Variants in THSD7A observed in about 807,000 individuals in gnomAD.
The protein encoded by THSD7A is thrombospondin type-1 domain-containing protein 7A.
THSD7A carries 96 observed loss-of-function variants against 231.3 expected under a neutral mutation model. The ratio of observed to expected loss-of-function variants is 0.41; its 90% CI spans 0.35 to 0.49. THSD7A has a LOEUF of 0.49. Among genes scored for constraint, THSD7A ranks in the 20% least tolerant of loss-of-function variants. The pLI is 0.05. For missense variants in THSD7A, 2,290 were observed against 2,070.2 expected (o/e 1.11, Z -2.06); for synonymous variants, 940 against 743.3 (o/e 1.26, Z -4.30).
At position 11,411,193 on chromosome 7, in the gene THSD7A, C is replaced by G; in HGVS notation, c.3798+14G>C. 6.3e-7 allele frequency: 1 copy of G among 1,592,588 alleles called. No individual in the cohort carries two copies. The highest frequency in any genetic ancestry group is 8.6e-7 in the Non-Finnish European group (1 of 1,161,396). On this transcript the variant is annotated intron_variant, in intron 19 of 27. Transcript: ENST00000423059. This position sits in a 1 kb window ranked among gnomAD's most constrained non-coding sequence, Gnocchi z 4.1. ...AGAATTTACTCGCGAAGATATAACA[C>G]AGCATCCACCTACCGCTTCACAATA...
At chr7:11,496,299 G>T (rs770478846) in intron 6 of THSD7A, among the ~76,000 whole-genome samples, 2 of 152,138 alleles carry the variant, frequency 1.3e-5, no homozygotes, top group Non-Finnish European at 2.9e-5. Context: ...ATACTATGCT[G>T]TCCCCTCTTA....
Position 11,593,383 on chromosome 7 carries a change from G to C in THSD7A, c.1142C>G (p.Ser381Cys), listed in dbSNP as rs1780240869. Reference sequence around the variant, plus strand: ...TGTCCTTACACGAGTGCCTGCAGGGGACACCATGTCATGGCATGTTTTTGA... The same window carrying C: ...TGTCCTTACACGAGTGCCTGCAGGGCACACCATGTCATGGCATGTTTTTGA... ...PCSKTCHDMV[S>C]PAGTRVRTRT... Residue 381 changes from serine (S) to cysteine (C), a missense_variant, in exon 3 of 28, where the codon TCC becomes TGC. Transcript: ENST00000423059. 6.2e-7 allele frequency: 1 copy of C among 1,614,036 alleles called. No individual in the cohort carries two copies. The highest frequency in any genetic ancestry group is 8.5e-7 in the Non-Finnish European group (1 of 1,179,896).
In THSD7A at chr7:11,659,297, G is replaced by A. The variant is rs548839825; in HGVS notation, c.191-22336C>T. ...CCACTTCTCATCTGTTCTCTGCACC[G>A]AGCGGTCAGAGAAATCTTTTCAACA... On this transcript the variant is annotated intron_variant, in intron 1 of 27. Transcript: ENST00000423059. Among the ~76,000 whole-genome samples, 43 of 151,558 alleles carry A rather than the reference G, an allele frequency of 2.8e-4. No individual in the cohort carries two copies. In the South Asian group the frequency reaches 8.5e-3, roughly 30 times the overall value.
chr7:11,532,258 CA>C (rs1489243330), intron 6 of THSD7A, among the ~76,000 whole-genome samples: 5 of 152,102 alleles, frequency 3.3e-5, no homozygotes, highest in Admixed American at 6.6e-5. Flanking sequence ...AAAGCCAACA[CA>C]GAAACTACCC....
chr7:11,698,555 T>C (rs1447300193), intron 1 of THSD7A, among the ~76,000 whole-genome samples: 3 of 151,372 alleles, frequency 2.0e-5, no homozygotes, highest in Admixed American at 1.3e-4. Flanking sequence ...CAGAAGCAAT[T>C]CCCACAGCTG....
chr7:11,641,872 C>T (rs921975747), intron 1 of THSD7A, among the ~76,000 whole-genome samples: 5 of 152,008 alleles, frequency 3.3e-5, no homozygotes, highest in African/African-American at 9.7e-5. Flanking sequence ...ATTAACCAAC[C>T]CTTTGAAAGA....
At chr7:11,378,278 G>A in intron 26 of THSD7A, 1 of 152,126 alleles carries the variant, frequency 6.6e-6, no homozygotes, top group East Asian at 1.9e-4. Flanking sequence ...CTTCCAGGTT[G>A]TGAGAAAAAG....
intron 2 of THSD7A, among the ~76,000 whole-genome samples, chr7:11,617,964 T>G (rs565481194): frequency 5.3e-5 from 8 of 152,226 alleles, no homozygotes; most frequent in Non-Finnish European, 8.8e-5. Flanking sequence ...TTTGCACATG[T>G]ACCCTAGAAC....
chr7:11,406,305 C>T lies in THSD7A; in HGVS notation c.4232G>A (p.Cys1411Tyr). ...MVLEESCSQP[C>Y]PGDCYLKDWS... ...TTCTCCTTTGCCGTTGTTACCTGGG[C>T]AAGGCTGGCTGCAGGATTCCTCCAG... The change falls in exon 22 of 28, where the codon TGC becomes TAC. Residue 1411 changes from cysteine (C) to tyrosine (Y), a missense_variant. Cys to Tyr is a radical substitution (Grantham distance 194, BLOSUM62 -2). Transcript: ENST00000423059. The surrounding 1 kb of genome is among the most constrained non-coding windows in gnomAD (Gnocchi z 4.7). The T allele has an allele frequency of 1.2e-6, 2 of 1,607,034 alleles. No homozygotes were observed. Among genetic ancestry groups the T allele is most frequent in the South Asian group, 1.1e-5 (1 of 89,514 alleles).
At position 11,590,019 on chromosome 7, in the gene THSD7A, T is replaced by C. The variant is rs752755225; in HGVS notation, c.1453+441A>G. Reference sequence around the variant, plus strand: ...TACTTATTTAAATTGAAATTGACAATTTTATTCAATATCATAATTAACTTA... The same window carrying C: ...TACTTATTTAAATTGAAATTGACAACTTTATTCAATATCATAATTAACTTA... On this transcript the variant is annotated intron_variant, in intron 4 of 27. Coordinates refer to ENST00000423059, the MANE Select transcript of THSD7A (RefSeq NM_015204.3). This position sits in a 1 kb window ranked among gnomAD's most constrained non-coding sequence, Gnocchi z 4.4. 3.0e-4 allele frequency among the ~76,000 whole-genome samples: 46 copies of C among 152,194 alleles called. No homozygotes were observed. The highest frequency in any genetic ancestry group is 5.3e-4 in the Non-Finnish European group (36 of 68,030).
chr7:11,400,216 C>T (rs908839770), intron 23 of THSD7A, among the ~76,000 whole-genome samples: 9 of 151,182 alleles, frequency 6.0e-5, no homozygotes, highest in Admixed American at 3.3e-4. Context: ...ATGTAAATGA[C>T]GAGTTAATGG....
rs899578246 is a variant in THSD7A, at chr7:11,632,296, G to A, written c.1022+3834C>T. 1.3e-5 allele frequency among the ~76,000 whole-genome samples: 2 copies of A among 152,146 alleles called. No homozygotes were observed. Among genetic ancestry groups the A allele is most frequent in the African/African-American group, 2.4e-5 (1 of 41,526 alleles). ...TATTTTTCCAAGTCTAGTGTTAAGT[G>A]CAGAACTTTTATAGTTAAGCATATT... On this transcript the variant is annotated intron_variant, in intron 2 of 27. Coordinates refer to ENST00000423059, the MANE Select transcript of THSD7A (RefSeq NM_015204.3). The surrounding 1 kb of genome is among the most constrained non-coding windows in gnomAD (Gnocchi z 4.1).
At position 11,780,820 on chromosome 7, in the gene THSD7A, T is replaced by A. The variant is rs575211964; in HGVS notation, c.190+50937A>T. ...TTATAGGGAGCAAGGTGAAACCCCG[T>A]CTCTACTAAAAATACAAAAAATTAG... On this transcript the variant is annotated intron_variant, in intron 1 of 27. Coordinates refer to ENST00000423059, the MANE Select transcript of THSD7A (RefSeq NM_015204.3). Among the ~76,000 whole-genome samples the A allele has an allele frequency of 7.9e-5, 12 of 151,342 alleles. No homozygotes were observed. The South Asian group carries it at 2.3e-3, about 29-fold the overall frequency.
intron 4 of THSD7A, among the ~76,000 whole-genome samples, chr7:11,556,662 T>G (rs964442047): frequency 2.0e-5 from 3 of 151,946 alleles, no homozygotes; most frequent in African/African-American, 4.8e-5. Flanking sequence ...AGTCTACTGG[T>G]AACAACTTCT....
rs966983773 is a variant in THSD7A at position 11,760,056 on chromosome 7, G to T, written c.190+71701C>A. ...TTACACAAGTTGGGAGGGGTGGTTA[G>T]ATTTAAAGCATCTCAAGGTACTTAT... On this transcript the variant is annotated intron_variant, in intron 1 of 27. Coordinates refer to ENST00000423059, the MANE Select transcript of THSD7A (RefSeq NM_015204.3). 3.3e-5 allele frequency among the ~76,000 whole-genome samples: 5 copies of T among 152,050 alleles called. No homozygotes were observed. The East Asian group carries it at 7.7e-4, about 23-fold the overall frequency.
intron 11 of THSD7A, among the ~76,000 whole-genome samples, chr7:11,458,933 C>T (rs981804597): frequency 6.6e-5 from 10 of 152,174 alleles, no homozygotes; most frequent in Non-Finnish European, 1.3e-4. Flanking sequence ...GTGCCAACTA[C>T]TCTAAGGCTT....
chr7:11,472,396 A>T (rs1056139430), intron 8 of THSD7A, among the ~76,000 whole-genome samples: 3 of 152,158 alleles, frequency 2.0e-5, no homozygotes, highest in Admixed American at 1.3e-4. Flanking sequence ...CAAATTTTCA[A>T]TTTGCATTTT....
chr7:11,680,880 T>C (rs1035768500), intron 1 of THSD7A, among the ~76,000 whole-genome samples: 2 of 152,178 alleles, frequency 1.3e-5, no homozygotes, highest in Admixed American at 6.5e-5. Flanking sequence ...TATATTATTC[T>C]ACTGTAAAGA....
chr7:11,684,264 C>T (rs1046571588), intron 1 of THSD7A, among the ~76,000 whole-genome samples: 1 of 151,754 alleles, frequency 6.6e-6, no homozygotes, highest in Non-Finnish European at 1.5e-5. Flanking sequence ...GTGACAAACT[C>T]ACAGCAAATA....
Sources: gnomAD v4.1 joint callset for allele counts (sites outside exome capture counted in the v4.1 genomes callset) on GRCh38, gnomAD v4.1.1 for gene constraint, Gnocchi (gnomAD v3.1) non-coding constraint, MANE v1.5 for transcripts, NCBI Gene and HGNC (gene_info 2026-07-23, HGNC 2026-07-21) for gene names.